Variants in NEXMIF observed in about 807,000 individuals in gnomAD.
NEXMIF encodes XLMR protein related to neurite extension.
A neutral mutation model predicts 62.1 loss-of-function variants in NEXMIF; 8 were observed. The observed-to-expected ratio is 0.13, with a 90% CI of 0.08 to 0.23. The LOEUF (loss-of-function observed/expected upper bound fraction) is 0.23. Among genes scored for constraint, NEXMIF ranks in the 10% least tolerant of loss-of-function variants. NEXMIF has a pLI of 1.00. For synonymous variants in NEXMIF, 404 were observed against 416.6 expected, an observed-to-expected ratio of 0.97 and a Z score of 0.37; for missense variants, 976 against 1,113.3, an observed-to-expected ratio of 0.88 and a Z score of 1.75.
intron 1 of NEXMIF, among the ~76,000 whole-genome samples, chrX:74,847,297 T>C (rs1325729378): frequency 8.9e-6 from 1 of 112,166 alleles, no homozygotes; most frequent in Non-Finnish European, 1.9e-5. Context: ...CAGCCTGGGC[T>C]TCACGAGTCA....
At chrX:74,843,374 G>A (rs1409983408) in intron 1 of NEXMIF, among the ~76,000 whole-genome samples, 1 of 110,037 alleles carries the variant, frequency 9.1e-6, no homozygotes, top group Non-Finnish European at 1.9e-5. Flanking sequence ...CATTATGTGT[G>A]AGATGGGTCT....
rs1005380050 is a variant in NEXMIF, at chrX:74,806,779, T to C, written c.-47-61082A>G. Among the ~76,000 whole-genome samples, 12 of 112,555 alleles carry C rather than the reference T, an allele frequency of 1.1e-4. No individual in the cohort carries two copies. In the East Asian group the frequency reaches 3.3e-3, roughly 31 times the overall value. ...GTCTGTGTCTCGATTCATTTATTTGTATATGGTTGTCCAATTGTCCCAGAA... is the reference window on the plus strand; with the variant it reads ...GTCTGTGTCTCGATTCATTTATTTGCATATGGTTGTCCAATTGTCCCAGAA... On this transcript the variant is annotated intron_variant, in intron 1 of 3. Coordinates refer to ENST00000055682, the MANE Select transcript of NEXMIF (RefSeq NM_001008537.3).
Position 74,737,140 on chromosome X carries a change from G to A in NEXMIF, c.*2265C>T, listed in dbSNP as rs1438161553. Reference sequence around the variant, plus strand: ...TTGCCACCTTTTCATTACATAGAAAGCACTCCACTCCTCTAAGCCAGCAGG... The same window carrying A: ...TTGCCACCTTTTCATTACATAGAAAACACTCCACTCCTCTAAGCCAGCAGG... On this transcript the variant is annotated 3_prime_UTR_variant, in exon 4 of 4. Coordinates refer to ENST00000055682, the MANE Select transcript of NEXMIF (RefSeq NM_001008537.3). The A allele has an allele frequency of 9.0e-6, 1 of 111,398 alleles. No homozygotes were observed. Among genetic ancestry groups the A allele is most frequent in the Non-Finnish European group, 1.9e-5 (1 of 53,015 alleles). 9.2% of individuals were successfully genotyped at this position (111,398 alleles called of 1,213,427 possible).
intron 1 of NEXMIF, among the ~76,000 whole-genome samples, chrX:74,751,002 C>T (rs181694802): frequency 1.8e-5 from 2 of 111,180 alleles, no homozygotes; most frequent in East Asian, 2.8e-4. Flanking sequence ...CTGAGGTGGG[C>T]GAATTGCTTG....
At chrX:74,919,713 G>GTA (rs1187001344) in intron 1 of NEXMIF, among the ~76,000 whole-genome samples, 27 of 110,506 alleles carry the variant, frequency 2.4e-4, no homozygotes, top group Admixed American at 1.2e-3. Context: ...CCATGCTGGT[G>GTA]TGCTGCACCC....
intron 1 of NEXMIF, among the ~76,000 whole-genome samples, chrX:74,842,237 C>T (rs1249650283): frequency 9.0e-6 from 1 of 111,422 alleles, no homozygotes; most frequent in African/African-American, 3.3e-5. Flanking sequence ...ATTTATCCAT[C>T]TCTTCTAGGT....
chrX:74,814,645 T>A (rs901687893), intron 1 of NEXMIF, among the ~76,000 whole-genome samples: 2 of 112,153 alleles, frequency 1.8e-5, no homozygotes, highest in African/African-American at 3.2e-5. Context: ...AGGAAGTATA[T>A]GTAATTGACA....
chrX:74,873,873 T>C (rs1371230909), intron 1 of NEXMIF, among the ~76,000 whole-genome samples: 1 of 111,200 alleles, frequency 9.0e-6, no homozygotes, highest in Non-Finnish European at 1.9e-5. Context: ...TTTGAGTTCA[T>C]TGTAGATTCT....
chrX:74,889,926 TTCCTAACCTAA>T (rs2080711551), intron 1 of NEXMIF, among the ~76,000 whole-genome samples: 2 of 110,234 alleles, frequency 1.8e-5, no homozygotes, highest in Non-Finnish European at 1.9e-5. Context: ...TTCAAGGTTC[TTCCTAACCTAA>T]TCCTAACCTA....
At chrX:74,740,036 CG>C in intron 3 of NEXMIF, 63 bp downstream of exon 3, 1 of 1,032,311 alleles carries the variant, frequency 9.7e-7, no homozygotes, top group Non-Finnish European at 1.3e-6. Context: ...TGAGGGACTG[CG>C]GGCTTAGTAG....
intron 1 of NEXMIF, among the ~76,000 whole-genome samples, chrX:74,833,097 T>C (rs1341033839): frequency 8.8e-6 from 1 of 113,120 alleles, no homozygotes; most frequent in East Asian, 2.7e-4. Flanking sequence ...AGCCTTTGGA[T>C]GAAATGTTCT....
rs1020857487 is a variant in NEXMIF, at chrX:74,920,194, T to A, written c.-48+4689A>T. Among the ~76,000 whole-genome samples the A allele has an allele frequency of 6.3e-5, 7 of 110,883 alleles. No individual in the cohort carries two copies. In the Admixed American group the frequency reaches 6.7e-4, roughly 11 times the overall value. On this transcript the variant is annotated intron_variant, in intron 1 of 3. Coordinates refer to ENST00000055682, the MANE Select transcript of NEXMIF (RefSeq NM_001008537.3). Reference sequence around the variant, plus strand: ...TTTCTAGTTCTAGATCCCTGAGGAATCGCCACACTGACTTCCACAAGGGTT... The same window carrying A: ...TTTCTAGTTCTAGATCCCTGAGGAAACGCCACACTGACTTCCACAAGGGTT...
intron 1 of NEXMIF, among the ~76,000 whole-genome samples, chrX:74,875,045 T>G (rs2080624064): frequency 9.0e-6 from 1 of 111,511 alleles, no homozygotes; most frequent in Non-Finnish European, 1.9e-5. Context: ...ATAGGAGTGG[T>G]GAGAGAGGGC....
intron 1 of NEXMIF, among the ~76,000 whole-genome samples, chrX:74,778,284 G>T (rs1278083747): frequency 9.0e-6 from 1 of 111,726 alleles, no homozygotes; most frequent in African/African-American, 3.3e-5. Flanking sequence ...AATTATGTAT[G>T]GATGGCTGAC....
intron 1 of NEXMIF, among the ~76,000 whole-genome samples, chrX:74,879,506 T>C (rs2080654112): frequency 8.9e-6 from 1 of 112,256 alleles, no homozygotes; most frequent in African/African-American, 3.2e-5. Context: ...GAAAAGTTAA[T>C]ACATTTGGAC....
chrX:74,759,187 T>G (rs1444115814), intron 1 of NEXMIF, among the ~76,000 whole-genome samples: 1 of 112,632 alleles, frequency 8.9e-6, no homozygotes, highest in African/African-American at 3.2e-5. Flanking sequence ...GATTGTCTTC[T>G]TTTGAAAAGT....
chrX:74,833,810 TAAC>T (rs1203035125), intron 1 of NEXMIF, among the ~76,000 whole-genome samples: 3 of 111,373 alleles, frequency 2.7e-5, no homozygotes, highest in Non-Finnish European at 5.7e-5. Flanking sequence ...TTTCAACTGA[TAAC>T]AACTTAACAC....
chrX:74,808,400 T>A (rs894723564), intron 1 of NEXMIF, among the ~76,000 whole-genome samples: 7 of 111,766 alleles, frequency 6.3e-5, no homozygotes, highest in Non-Finnish European at 1.3e-4. Flanking sequence ...TGAGTGAGAC[T>A]CTGTCTCAAA....
In NEXMIF at chrX:74,824,805, C is replaced by T. The variant is rs1159947167; in HGVS notation, c.-47-79108G>A. Among the ~76,000 whole-genome samples the T allele has an allele frequency of 2.7e-5, 3 of 110,379 alleles. No homozygotes were observed. In the Admixed American group the frequency reaches 2.9e-4, roughly 11 times the overall value. ...CTGGGGCTACAGGCACCCGCCACCACGCCCAGCTAATTTTTTTTATTTTTA... is the reference window on the plus strand; with the variant it reads ...CTGGGGCTACAGGCACCCGCCACCATGCCCAGCTAATTTTTTTTATTTTTA... On this transcript the variant is annotated intron_variant, in intron 1 of 3. Coordinates refer to ENST00000055682, the MANE Select transcript of NEXMIF (RefSeq NM_001008537.3).
Sources: allele counts gnomAD v4.1 joint callset (sites outside exome capture counted in the v4.1 genomes callset), GRCh38; gene constraint gnomAD v4.1.1; transcripts MANE v1.5; gene names NCBI Gene and HGNC (gene_info 2026-07-23, HGNC 2026-07-21).